GPAT4: variants seen among roughly 807,000 people sequenced by gnomAD.
The protein encoded by GPAT4 is glycerol-3-phosphate acyltransferase 4.
A neutral mutation model predicts 58.0 loss-of-function variants in GPAT4; 17 were observed. The ratio of observed to expected loss-of-function variants is 0.29; its 90% CI spans 0.20 to 0.44. The LOEUF (loss-of-function observed/expected upper bound fraction) is 0.44. Ranked by LOEUF, GPAT4 falls within the 20% of genes least tolerant of loss-of-function variation. The probability of loss-of-function intolerance (pLI) is 1.00; values close to 1 mark genes in which losing one functional copy is unlikely to be tolerated. For synonymous variants in GPAT4, 204 were observed against 210.1 expected (o/e 0.97, Z 0.25); for missense variants, 377 against 574.5 (o/e 0.66, Z 3.51).
chr8:41,605,975 A>G (rs1366308331), intron 2 of GPAT4, among the ~76,000 whole-genome samples: 2 of 152,248 alleles, frequency 1.3e-5, no homozygotes, highest in Non-Finnish European at 2.9e-5. Flanking sequence ...AAGGGAGGGC[A>G]GAGGACAGGG....
intron 1 of GPAT4, among the ~76,000 whole-genome samples, chr8:41,590,754 C>T (rs958032899): frequency 6.6e-6 from 1 of 152,186 alleles, no homozygotes; most frequent in Non-Finnish European, 1.5e-5. Flanking sequence ...CACTGAATAG[C>T]ATGTCCTTGT....
Position 41,621,338 on chromosome 8 carries a change from T to A in GPAT4, c.*337T>A, listed in dbSNP as rs1803745272. ...AGTGGTTGGGGAGATGTGGCCATGG[T>A]CTTGTGCTAGAGATGGCGGTACAAG... On this transcript the variant is annotated 3_prime_UTR_variant, in exon 13 of 13. Transcript: ENST00000396987. The A allele has an allele frequency of 3.5e-6, 1 of 286,456 alleles. No individual in the cohort carries two copies. The highest frequency in any genetic ancestry group is 6.7e-6 in the Non-Finnish European group (1 of 148,676). The allele number at this position is 286,456 out of a possible 1,614,324, so 17.7% of individuals were successfully genotyped here. A position where few individuals can be genotyped will look rare whatever the true frequency, so the allele number is the denominator to read the frequency against.
intron 1 of GPAT4, among the ~76,000 whole-genome samples, chr8:41,597,420 T>G (rs1802962753): frequency 6.6e-6 from 1 of 152,202 alleles, no homozygotes; most frequent in African/African-American, 2.4e-5. Flanking sequence ...TTGTGAGATA[T>G]TTGAAATAGT....
At chr8:41,617,020 T>C (rs1803613776) in intron 10 of GPAT4, among the ~76,000 whole-genome samples, 1 of 152,216 alleles carries the variant, frequency 6.6e-6, no homozygotes, top group Non-Finnish European at 1.5e-5. Flanking sequence ...CAAAGGGTTC[T>C]CACACTCTGG....
chr8:41,598,951 C>G lies in GPAT4; in HGVS notation c.-189C>G. ...GGCGTTTGCAGTTGCCTCCTGTGGC[C>G]GTGTTTTTCTGTCATTCTGTTCCCA... On this transcript the variant is annotated 5_prime_UTR_variant, in exon 2 of 13. Transcript: ENST00000396987. 2 of 711,168 alleles carry G rather than the reference C, an allele frequency of 2.8e-6. No individual in the cohort carries two copies. The highest frequency in any genetic ancestry group is 4.3e-5 in the South Asian group (2 of 46,760). 44.1% of individuals were successfully genotyped at this position (711,168 alleles called of 1,614,324 possible).
chr8:41,603,525 CA>C (rs35302781), intron 2 of GPAT4, among the ~76,000 whole-genome samples: 37,737 of 85,162 alleles, frequency 0.44, 5,448 homozygotes, highest in Middle Eastern at 0.54. Flanking sequence ...GACTCCGTCT[CA>C]AAAAAAAAAA....
At chr8:41,588,281 C>T (rs939127328) in intron 1 of GPAT4, among the ~76,000 whole-genome samples, 3 of 152,156 alleles carry the variant, frequency 2.0e-5, no homozygotes, top group Admixed American at 6.5e-5. Context: ...TGGCACAGGG[C>T]CTCTGTCTGC....
intron 3 of GPAT4, 69 bp from the exon 4 acceptor site, chr8:41,609,586 G>A (rs1466352375): frequency 4.4e-6 from 7 of 1,598,596 alleles, no homozygotes; most frequent in African/African-American, 4.0e-5. Context: ...AGTGCAGGAT[G>A]TGTGCTCTGA....
Position 41,624,457 on chromosome 8 carries a change from T to C in GPAT4, c.*3456T>C, listed in dbSNP as rs1308049307. On this transcript the variant is annotated 3_prime_UTR_variant, in exon 13 of 13. Transcript: ENST00000396987. ...GCCAGGAACTTGATTTTCTGGGCTA[T>C]TGCTTGCTAGTGTCCCCTGATGCAT... 2.0e-5 allele frequency: 3 copies of C among 152,262 alleles called. No individual in the cohort carries two copies. The highest frequency in any genetic ancestry group is 6.5e-5 in the Admixed American group (1 of 15,282). The allele number at this position is 152,262 out of a possible 1,614,324, so 9.4% of individuals were successfully genotyped here.
intron 2 of GPAT4, among the ~76,000 whole-genome samples, chr8:41,601,714 A>G (rs1803103596): frequency 6.6e-6 from 1 of 152,282 alleles, no homozygotes; most frequent in Admixed American, 6.5e-5. Context: ...GAATCCATGT[A>G]TATTCCTTGC....
chr8:41,612,407 G>A, intron 7 of GPAT4, 134 bp downstream of exon 7: 1 of 840,828 alleles, frequency 1.2e-6, no homozygotes, highest in Non-Finnish European at 1.8e-6. Flanking sequence ...TCACTGTGGG[G>A]GCTCTGTGGG....
At chr8:41,608,501 A>G (rs1285632133) in intron 2 of GPAT4, among the ~76,000 whole-genome samples, 1 of 152,234 alleles carries the variant, frequency 6.6e-6, no homozygotes, top group African/African-American at 2.4e-5. Flanking sequence ...CTCTCATTTG[A>G]TAGTGGGAGA....
intron 9 of GPAT4, 70 bp from the exon 10 acceptor site, chr8:41,614,893 T>C: frequency 7.6e-7 from 1 of 1,320,288 alleles, no homozygotes; most frequent in South Asian, 1.2e-5. Context: ...ATACTTAGTC[T>C]TTAAGAAACG....
Position 41,615,451 on chromosome 8 carries a change from T to TG in GPAT4, c.1053+413dup, listed in dbSNP as rs33939804. On this transcript the variant is annotated intron_variant, in intron 10 of 12. Coordinates refer to ENST00000396987, the MANE Select transcript of GPAT4 (RefSeq NM_178819.4). Reference sequence around the variant, plus strand: ...TGCATTTTGGGGGAGCCATGAGGATTGGGGGGGGGGTCATTACTCCAGCCC... The same window carrying TG: ...TGCATTTTGGGGGAGCCATGAGGATTGGGGGGGGGGGTCATTACTCCAGCCC... Among the ~76,000 whole-genome samples the TG allele has an allele frequency of 7.0e-3, 504 of 71,554 alleles. 2 individuals carry two copies. Among genetic ancestry groups the TG allele is most frequent in the Middle Eastern group, 8.2e-3 (1 of 122 alleles). The allele number at this position is 71,554 out of a possible 152,430, so 46.9% of individuals were successfully genotyped here. A position where few individuals can be genotyped will look rare whatever the true frequency, so the allele number is the denominator to read the frequency against.
At chr8:41,612,049 C>T in intron 6 of GPAT4, 57 bp downstream of exon 6, 5 of 1,600,890 alleles carry the variant, frequency 3.1e-6, no homozygotes, top group Non-Finnish European at 4.3e-6. Context: ...ACACCACCCA[C>T]CTATACTTAG....
In GPAT4 at chr8:41,612,705, T is replaced by C. The variant is rs545353865; in HGVS notation, c.796-140T>C. 2.8e-5 allele frequency: 19 copies of C among 670,310 alleles called. No homozygotes were observed. The African/African-American group carries it at 2.9e-4, about 10-fold the overall frequency. 41.5% of individuals were successfully genotyped at this position (670,310 alleles called of 1,614,324 possible). ...TTGGGGAGTCTTGGTAGTGGTTTCT[T>C]GGCAGTGAGCAACCTTCAGCCGGCA... is the stretch of plus-strand genomic sequence containing the variant. On this transcript the variant is annotated intron_variant, in intron 7 of 12. Transcript: ENST00000396987.
Position 41,617,225 on chromosome 8 carries a change from G to A in GPAT4, c.1054-1459G>A, listed in dbSNP as rs187535267. Among the ~76,000 whole-genome samples, 23 of 152,202 alleles carry A rather than the reference G, an allele frequency of 1.5e-4. No homozygotes were observed. In the East Asian group the frequency reaches 3.3e-3, roughly 22 times the overall value. ...AAAAATACAAAAAAATTAGCCGGGC[G>A]TAGTGGCAGGTGCCTACAGCCCCAG... is the stretch of plus-strand genomic sequence containing the variant. On this transcript the variant is annotated intron_variant, in intron 10 of 12. Transcript: ENST00000396987.
intron 10 of GPAT4, 124 bp downstream of exon 10, chr8:41,615,172 G>T (rs1025460929): frequency 2.4e-6 from 2 of 821,706 alleles, no homozygotes; most frequent in Non-Finnish European, 1.9e-6. Context: ...GCAGAGTGGC[G>T]TGGGGCTGGG....
At chr8:41,591,386 TCTC>T (rs1802785634) in intron 1 of GPAT4, among the ~76,000 whole-genome samples, 1 of 152,170 alleles carries the variant, frequency 6.6e-6, no homozygotes, top group Admixed American at 6.5e-5. Flanking sequence ...TGAAGGGTGG[TCTC>T]CTCCCTTAAA....
Sources: allele counts gnomAD v4.1 joint callset (sites outside exome capture counted in the v4.1 genomes callset), GRCh38; gene constraint gnomAD v4.1.1; transcripts MANE v1.5; gene names NCBI Gene and HGNC (gene_info 2026-07-23, HGNC 2026-07-21).